Variants in EYA1 observed in about 807,000 individuals in gnomAD.
EYA1 encodes the protein EYA transcriptional coactivator and phosphatase 1, also known as protein phosphatase EYA1.
EYA1 carries 16 observed loss-of-function variants against 82.0 expected under a neutral mutation model. That is an observed-to-expected ratio of 0.20 (90% CI 0.13 to 0.30). The LOEUF is 0.30. Among genes scored for constraint, EYA1 ranks in the 10% least tolerant of loss-of-function variants. The probability of loss-of-function intolerance (pLI) is 1.00; values close to 1 mark genes in which losing one functional copy is unlikely to be tolerated. For synonymous variants in EYA1, 261 were observed against 264.4 expected (o/e 0.99, Z 0.12); for missense variants, 633 against 730.7 (o/e 0.87, Z 1.54).
At chr8:71,402,402 A>T (rs1254970109) in intron 2 of EYA1, among the ~76,000 whole-genome samples, 1 of 152,346 alleles carries the variant, frequency 6.6e-6, no homozygotes, top group East Asian at 1.9e-4. Flanking sequence ...GAATACACTT[A>T]ACATGAAAGG....
At chr8:71,217,237 T>C (rs1354947100) in intron 12 of EYA1, among the ~76,000 whole-genome samples, 1 of 152,186 alleles carries the variant, frequency 6.6e-6, no homozygotes, top group Non-Finnish European at 1.5e-5. Context: ...AGGACTACTG[T>C]TATTCAGCTT....
intron 9 of EYA1, among the ~76,000 whole-genome samples, chr8:71,282,398 T>C (rs1817909174): frequency 6.6e-6 from 1 of 152,228 alleles, no homozygotes; most frequent in East Asian, 1.9e-4. Flanking sequence ...TAAACTTCCT[T>C]TTATCCCATT....
chr8:71,466,004 C>A (rs987925512), intron 2 of EYA1, among the ~76,000 whole-genome samples: 1 of 152,182 alleles, frequency 6.6e-6, no homozygotes, highest in Non-Finnish European at 1.5e-5. Flanking sequence ...TCCATCAAAA[C>A]ATTCTGCCCT....
intron 3 of EYA1, among the ~76,000 whole-genome samples, chr8:71,343,990 C>T (rs1476719871): frequency 6.6e-6 from 1 of 152,122 alleles, no homozygotes; most frequent in Non-Finnish European, 1.5e-5. Flanking sequence ...TAGCATGTTA[C>T]TATATTTGCT....
intron 12 of EYA1, among the ~76,000 whole-genome samples, chr8:71,221,112 A>C (rs1563642226): frequency 6.6e-6 from 1 of 152,208 alleles, no homozygotes; most frequent in South Asian, 2.1e-4. Context: ...GAAGAATTAA[A>C]ATTATATTTT....
chr8:71,398,677 C>T (rs1480722569), intron 2 of EYA1, among the ~76,000 whole-genome samples: 1 of 152,208 alleles, frequency 6.6e-6, no homozygotes, highest in Non-Finnish European at 1.5e-5. Context: ...AGAGGGGCAT[C>T]CAGCTGTATG....
chr8:71,228,257 C>T, intron 12 of EYA1, among the ~76,000 whole-genome samples: 1 of 152,094 alleles, frequency 6.6e-6, no homozygotes. Context: ...TCTGAAATTC[C>T]ACCACACAAA....
chr8:71,293,983 T>G (rs1158624751), intron 9 of EYA1, among the ~76,000 whole-genome samples: 1 of 151,174 alleles, frequency 6.6e-6, no homozygotes, highest in Non-Finnish European at 1.5e-5. Flanking sequence ...GAAATATAAC[T>G]GTCTTTTTTC....
At chr8:71,514,190 G>A (rs1812799902) in intron 2 of EYA1, among the ~76,000 whole-genome samples, 1 of 152,010 alleles carries the variant, frequency 6.6e-6, no homozygotes, top group African/African-American at 2.4e-5. Context: ...TCTATTTTTA[G>A]TTAAAAATAA....
At chr8:71,368,889 A>G (rs1426196989) in intron 2 of EYA1, among the ~76,000 whole-genome samples, 1 of 151,978 alleles carries the variant, frequency 6.6e-6, no homozygotes, top group African/African-American at 2.4e-5. Flanking sequence ...TAGACATTTC[A>G]CATTAAGATC....
chr8:71,416,344 C>T (rs2129144983), intron 2 of EYA1, among the ~76,000 whole-genome samples: 1 of 152,284 alleles, frequency 6.6e-6, no homozygotes, highest in Admixed American at 6.5e-5. Context: ...TTAGCCCTGC[C>T]TATGTCTGTG....
chr8:71,372,552 C>A (rs1056209239), intron 2 of EYA1, among the ~76,000 whole-genome samples: 4 of 152,048 alleles, frequency 2.6e-5, no homozygotes, highest in Middle Eastern at 3.4e-3. Context: ...ATTTCTGGTT[C>A]TTATGGAAAA....
At chr8:71,433,166 A>T (rs1229579744) in intron 2 of EYA1, among the ~76,000 whole-genome samples, 1 of 152,184 alleles carries the variant, frequency 6.6e-6, no homozygotes, top group Non-Finnish European at 1.5e-5. Flanking sequence ...TGGAAGTATG[A>T]AAGGTATATA....
At chr8:71,367,921 G>A (rs1827849472) in intron 2 of EYA1, among the ~76,000 whole-genome samples, 1 of 152,132 alleles carries the variant, frequency 6.6e-6, no homozygotes, top group South Asian at 2.1e-4. Context: ...CAACCCAAAT[G>A]TAAGTACAAT....
At chr8:71,284,247 C>G (rs1818136659) in intron 9 of EYA1, among the ~76,000 whole-genome samples, 1 of 152,238 alleles carries the variant, frequency 6.6e-6, no homozygotes, top group Admixed American at 6.5e-5. Context: ...ATGGAACCCT[C>G]ACTGACTCCA....
chr8:71,342,185 C>T (rs1435418952), intron 3 of EYA1, among the ~76,000 whole-genome samples: 1 of 152,156 alleles, frequency 6.6e-6, no homozygotes, highest in Non-Finnish European at 1.5e-5. Context: ...TCCACCATAT[C>T]AGCCCCTTGC....
chr8:71,410,711 T>A (rs1451944631), intron 2 of EYA1, among the ~76,000 whole-genome samples: 3 of 147,964 alleles, frequency 2.0e-5, no homozygotes, highest in African/African-American at 7.5e-5. Context: ...TACAAACCAC[T>A]GCTCAAGGAA....
At position 71,271,770 on chromosome 8, in the gene EYA1, A is replaced by G; in HGVS notation, c.954T>C (p.Asp318=). ...GGCTATGACGTACCTCAAGATCAGA[A>G]TCTGGGGGAGGTGAAGGATTATTGT... ...RRNNNPSPPP[D]SDLERVFIWD... The change falls in exon 10 of 18, where the codon GAT becomes GAC. Residue 318 remains aspartate (D), a synonymous_variant. Coordinates refer to ENST00000340726, the MANE Select transcript of EYA1 (RefSeq NM_000503.6). 6.2e-7 allele frequency: 1 copy of G among 1,614,184 alleles called. No homozygotes were observed. Among genetic ancestry groups the G allele is most frequent in the South Asian group, 1.1e-5 (1 of 91,090 alleles).
chr8:71,221,509 A>T (rs2128865687), intron 12 of EYA1, among the ~76,000 whole-genome samples: 1 of 152,342 alleles, frequency 6.6e-6, no homozygotes, highest in South Asian at 2.1e-4. Context: ...CAAAGGGATG[A>T]AAAATTCAAC....
Sources: allele counts gnomAD v4.1 joint callset (sites outside exome capture counted in the v4.1 genomes callset), GRCh38; gene constraint gnomAD v4.1.1; transcripts MANE v1.5; gene names NCBI Gene and HGNC (gene_info 2026-07-23, HGNC 2026-07-21).